The following PLD1 variants were observed in gnomAD, a reference collection of about 807,000 sequenced individuals.
The protein encoded by PLD1 is choline phosphatase 1.
A neutral mutation model predicts 137.1 loss-of-function variants in PLD1; 112 were observed. The observed-to-expected ratio is 0.82, with a 90% CI of 0.70 to 0.96. The LOEUF is 0.96. Among genes scored for constraint, PLD1 ranks in the 40% least tolerant of loss-of-function variants. PLD1 has a pLI of 0.00. For missense variants in PLD1, 1,321 were observed against 1,342.0 expected, an observed-to-expected ratio of 0.98 and a Z score of 0.24; for synonymous variants, 431 against 454.7, an observed-to-expected ratio of 0.95 and a Z score of 0.66.
At chr3:171,639,542 A>T (rs1202034917) in intron 23 of PLD1, among the ~76,000 whole-genome samples, 1 of 34,442 alleles carries the variant, frequency 2.9e-5, no homozygotes, top group Non-Finnish European at 4.9e-5. Context: ...ATATTATATA[A>T]ATATATATTC....
chr3:171,692,235 G>A (rs1715236594), intron 13 of PLD1, 97 bp downstream of exon 13: 2 of 627,140 alleles, frequency 3.2e-6, no homozygotes, highest in African/African-American at 1.9e-5. Context: ...TATACATTTG[G>A]GCATTCTATA....
chr3:171,624,639 T>C (rs1470582436), intron 23 of PLD1, among the ~76,000 whole-genome samples: 1 of 152,168 alleles, frequency 6.6e-6, no homozygotes, highest in Non-Finnish European at 1.5e-5. Context: ...GAAGACAATC[T>C]AATTGCCCAT....
At chr3:171,648,433 T>G (rs1736449858) in intron 21 of PLD1, among the ~76,000 whole-genome samples, 1 of 152,232 alleles carries the variant, frequency 6.6e-6, no homozygotes, top group Non-Finnish European at 1.5e-5. Context: ...GTGTAAGAAT[T>G]TATAAGAATA....
chr3:171,730,436 A>G (rs1020549479), intron 6 of PLD1, among the ~76,000 whole-genome samples: 5 of 152,180 alleles, frequency 3.3e-5, no homozygotes, highest in African/African-American at 7.2e-5. Flanking sequence ...AAAAAAAAGA[A>G]TTAAAAGCAG....
intron 1 of PLD1, among the ~76,000 whole-genome samples, chr3:171,770,484 C>T (rs943889699): frequency 2.0e-4 from 30 of 152,034 alleles, no homozygotes; most frequent in African/African-American, 7.2e-4. Flanking sequence ...CAACTGGGGC[C>T]CAACACTCCA....
At chr3:171,728,698 C>T (rs1401652676) in intron 6 of PLD1, among the ~76,000 whole-genome samples, 1 of 152,178 alleles carries the variant, frequency 6.6e-6, no homozygotes, top group African/African-American at 2.4e-5. Context: ...ATTTACATAG[C>T]TGTTATCATC....
intron 23 of PLD1, among the ~76,000 whole-genome samples, chr3:171,625,094 C>A (rs1733977901): frequency 6.6e-6 from 1 of 152,108 alleles, no homozygotes; most frequent in South Asian, 2.1e-4. Context: ...AGTTCCCCTT[C>A]CTAGTCAAAG....
chr3:171,667,985 C>T (rs1311470979), intron 19 of PLD1, among the ~76,000 whole-genome samples: 2 of 152,204 alleles, frequency 1.3e-5, no homozygotes, highest in African/African-American at 4.8e-5. Context: ...CTCCTGACGT[C>T]AGGTGATCTG....
chr3:171,634,582 A>C (rs190268788), intron 23 of PLD1, among the ~76,000 whole-genome samples: 2 of 152,264 alleles, frequency 1.3e-5, no homozygotes, highest in East Asian at 3.9e-4. Flanking sequence ...CTTTTGTCTA[A>C]AGTTGCTTAC....
intron 8 of PLD1, among the ~76,000 whole-genome samples, chr3:171,717,521 T>C (rs573655447): frequency 6.6e-5 from 10 of 152,302 alleles, no homozygotes; most frequent in African/African-American, 2.4e-4. Context: ...CCATTCACAA[T>C]TGGCTTGATT....
intron 16 of PLD1, among the ~76,000 whole-genome samples, chr3:171,681,653 T>C (rs1169041108): frequency 6.6e-6 from 1 of 152,212 alleles, no homozygotes; most frequent in African/African-American, 2.4e-5. Flanking sequence ...TTTGTAGACC[T>C]GTATTTCGTC....
intron 13 of PLD1, among the ~76,000 whole-genome samples, chr3:171,690,428 C>G (rs1054377125): frequency 3.3e-5 from 5 of 151,932 alleles, no homozygotes; most frequent in Non-Finnish European, 5.9e-5. Context: ...TTTCTAGTTC[C>G]TCAAACTGTA....
chr3:171,724,749 T>C lies in PLD1; in HGVS notation c.705A>G (p.Ile235Met). ...MIMKRSGGHR[I>M]PGLNCCGQGR... ...CCTGACCACAGCAATTCAAGCCTGG[T>C]ATTCTGTGTCCTCCAGATCTTTTCA... is the stretch of plus-strand genomic sequence containing the variant. Residue 235 changes from isoleucine (I) to methionine (M), a missense_variant, in exon 8 of 27, where the codon ATA (isoleucine) becomes ATG (methionine). Physicochemically the swap from Ile to Met is conservative, Grantham distance 10 (BLOSUM62 1). Transcript: ENST00000351298. 1 of 1,611,238 alleles carries C rather than the reference T, an allele frequency of 6.2e-7. No homozygotes were observed. Among genetic ancestry groups the C allele is most frequent in the Non-Finnish European group, 8.5e-7 (1 of 1,178,096 alleles).
chr3:171,685,565 C>T (rs1714463412), intron 16 of PLD1, among the ~76,000 whole-genome samples: 1 of 152,162 alleles, frequency 6.6e-6, no homozygotes, highest in Admixed American at 6.5e-5. Context: ...CTACCAAGCA[C>T]TGCAACTACT....
In PLD1 at chr3:171,692,422, G is replaced by A; in HGVS notation, c.1248C>T (p.Phe416=). 1 of 1,584,190 alleles carries A rather than the reference G, an allele frequency of 6.3e-7. No individual in the cohort carries two copies. Among genetic ancestry groups the A allele is most frequent in the Non-Finnish European group, 8.7e-7 (1 of 1,152,674 alleles). ...KRKAQQGVRI[F]IMLYKEVELA... is the part of the protein sequence containing the mutation. Reference sequence around the variant, plus strand: ...GTTCCACCTCTTTGTAGAGCATTATGAAGATCCTCACTCCTTGTTGCTGTC... The same window carrying A: ...GTTCCACCTCTTTGTAGAGCATTATAAAGATCCTCACTCCTTGTTGCTGTC... The change falls in exon 13 of 27, where the codon TTC becomes TTT. Residue 416 remains phenylalanine (F), a synonymous_variant. Transcript: ENST00000351298.
At chr3:171,776,532 G>C (rs373000244) in intron 1 of PLD1, among the ~76,000 whole-genome samples, 5 of 152,256 alleles carry the variant, frequency 3.3e-5, no homozygotes, top group African/African-American at 9.6e-5. Flanking sequence ...TAAGCAATTG[G>C]TTTGAAATTA....
Position 171,733,366 on chromosome 3 carries a change from T to C in PLD1, c.606+78A>G. 7.5e-6 allele frequency: 5 copies of C among 665,482 alleles called. No individual in the cohort carries two copies. The South Asian group carries it at 9.2e-5, about 12-fold the overall frequency. 41.2% of individuals were successfully genotyped at this position (665,482 alleles called of 1,614,324 possible). A position where few individuals can be genotyped will look rare whatever the true frequency, so the allele number is the denominator to read the frequency against. ...GGTGTGGATACAATCACTTGTGTTA[T>C]TAAAATGATCCAAAATTTAGCTGAC... On this transcript the variant is annotated intron_variant, in intron 6 of 26. Coordinates refer to ENST00000351298, the MANE Select transcript of PLD1 (RefSeq NM_002662.5).
chr3:171,777,240 A>G (rs750135737), intron 1 of PLD1, among the ~76,000 whole-genome samples: 5 of 152,230 alleles, frequency 3.3e-5, no homozygotes, highest in Non-Finnish European at 5.9e-5. Context: ...CCTAAAAACT[A>G]GAGTGAAAAT....
At chr3:171,607,367 AAG>A (rs1444230196) in intron 25 of PLD1, among the ~76,000 whole-genome samples, 2 of 152,298 alleles carry the variant, frequency 1.3e-5, no homozygotes, top group African/African-American at 4.8e-5. Context: ...ATTGAGCAGA[AAG>A]AGTTTTTCTG....
Sources: gnomAD v4.1 joint callset for allele counts (sites outside exome capture counted in the v4.1 genomes callset) on GRCh38, gnomAD v4.1.1 for gene constraint, MANE v1.5 for transcripts, NCBI Gene and HGNC (gene_info 2026-07-23, HGNC 2026-07-21) for gene names.